The following CACNA2D3 variants were observed in gnomAD, a reference collection of about 807,000 sequenced individuals.
CACNA2D3 encodes the protein calcium voltage-gated channel auxiliary subunit alpha2delta 3.
A neutral mutation model predicts 160.6 loss-of-function variants in CACNA2D3; 60 were observed. That is an observed-to-expected ratio of 0.37 (90% CI 0.30 to 0.46). CACNA2D3 has a LOEUF of 0.46. Ranked by LOEUF, CACNA2D3 falls within the 20% of genes least tolerant of loss-of-function variation. The pLI, the probability that CACNA2D3 is intolerant of heterozygous loss-of-function variation, is 1.00. For synonymous variants in CACNA2D3, 558 were observed against 492.9 expected, an observed-to-expected ratio of 1.13 and a Z score of -1.75; for missense variants, 1,205 against 1,365.0, an observed-to-expected ratio of 0.88 and a Z score of 1.85.
At chr3:54,694,397 A>AT (rs899768712) in intron 11 of CACNA2D3, among the ~76,000 whole-genome samples, 2 of 152,200 alleles carry the variant, frequency 1.3e-5, no homozygotes, top group Non-Finnish European at 2.9e-5. Flanking sequence ...GTAATAACAC[A>AT]TTTTTTTAGA....
chr3:54,475,807 ATT>A (rs1395482284), intron 4 of CACNA2D3, among the ~76,000 whole-genome samples: 1 of 7,890 alleles, frequency 1.3e-4, no homozygotes, highest in African/African-American at 3.9e-4. Flanking sequence ...CATGGTTACC[ATT>A]TGTGTGTGTG....
At chr3:54,728,349 C>T (rs529684133) in intron 11 of CACNA2D3, among the ~76,000 whole-genome samples, 1 of 152,252 alleles carries the variant, frequency 6.6e-6, no homozygotes, top group South Asian at 2.1e-4. Context: ...TCGGTAGTGT[C>T]TAATCTTCTA....
At chr3:54,287,572 A>G (rs56047823) in intron 2 of CACNA2D3, among the ~76,000 whole-genome samples, 39,632 of 129,382 alleles carry the variant, frequency 0.31, 5,173 homozygotes, top group East Asian at 0.45. Flanking sequence ...TGCACCAAGC[A>G]GACCTAATAG....
chr3:54,730,277 G>A (rs546557771), intron 11 of CACNA2D3, among the ~76,000 whole-genome samples: 46 of 152,228 alleles, frequency 3.0e-4, no homozygotes, highest in African/African-American at 1.0e-3. Flanking sequence ...CCACCCTGGT[G>A]GCACCCATAT....
chr3:54,469,356 C>T (rs1310552384), intron 4 of CACNA2D3, among the ~76,000 whole-genome samples: 1 of 152,140 alleles, frequency 6.6e-6, no homozygotes, highest in East Asian at 1.9e-4. Context: ...AGAAGGAAAA[C>T]CAACAGAAAG....
At chr3:54,317,894 T>G (rs1703902216) in intron 2 of CACNA2D3, among the ~76,000 whole-genome samples, 2 of 152,200 alleles carry the variant, frequency 1.3e-5, no homozygotes, top group South Asian at 4.1e-4. Flanking sequence ...ACTCCTGTGA[T>G]AACAGCATTA....
chr3:54,418,697 A>T (rs1699794595), intron 4 of CACNA2D3, among the ~76,000 whole-genome samples: 1 of 152,164 alleles, frequency 6.6e-6, no homozygotes, highest in African/African-American at 2.4e-5. Flanking sequence ...TATTTCTTAC[A>T]TGCCTAGTTT....
Position 54,581,787 on chromosome 3 carries a change from CT to C in CACNA2D3, c.889-10del. The C allele has an allele frequency of 1.9e-6, 3 of 1,608,616 alleles. No individual in the cohort carries two copies. The highest frequency in any genetic ancestry group is 1.7e-6 in the Non-Finnish European group (2 of 1,176,020). On this transcript the variant is annotated splice_polypyrimidine_tract_variant and intron_variant, in intron 8 of 37. Transcript: ENST00000474759. ...TCCTTAATTAAGTGTTCCTTCTTGA[CT>C]TTTTTCCTTTGCAGTATAATGAGGA...
At chr3:55,019,389 A>G (rs1703398573) in intron 35 of CACNA2D3, among the ~76,000 whole-genome samples, 1 of 152,004 alleles carries the variant, frequency 6.6e-6, no homozygotes, top group South Asian at 2.1e-4. Flanking sequence ...TGTAAGTGAT[A>G]GATCAATTTA....
chr3:54,764,022 A>T (rs1032302621), intron 12 of CACNA2D3, among the ~76,000 whole-genome samples, 196 bp from the exon 13 acceptor site: 1 of 151,168 alleles, frequency 6.6e-6, no homozygotes, highest in African/African-American at 2.4e-5. Flanking sequence ...ATTTTCTAAC[A>T]TGAACTTATT....
chr3:54,671,787 A>G (rs1342814932), intron 11 of CACNA2D3, among the ~76,000 whole-genome samples: 1 of 152,138 alleles, frequency 6.6e-6, no homozygotes. Context: ...GCTGCTTGCA[A>G]ATTGGGAGGT....
intron 14 of CACNA2D3, among the ~76,000 whole-genome samples, chr3:54,817,355 A>G (rs1307760358): frequency 6.6e-6 from 1 of 152,180 alleles, no homozygotes; most frequent in Non-Finnish European, 1.5e-5. Context: ...CCCAGAGACC[A>G]TTAGAGCAGA....
chr3:54,729,533 G>A (rs994817679), intron 11 of CACNA2D3, among the ~76,000 whole-genome samples: 3 of 152,188 alleles, frequency 2.0e-5, no homozygotes, highest in Admixed American at 6.5e-5. Context: ...CAGTCATTGG[G>A]TGGTGGCAGA....
chr3:54,840,788 T>C (rs888955872), intron 16 of CACNA2D3, among the ~76,000 whole-genome samples: 4 of 145,016 alleles, frequency 2.8e-5, no homozygotes, highest in African/African-American at 1.0e-4. Context: ...AGTGGCATGA[T>C]CTCAGCTCAC....
chr3:54,256,757 C>CAA (rs35227962), intron 2 of CACNA2D3, among the ~76,000 whole-genome samples: 2 of 107,026 alleles, frequency 1.9e-5, no homozygotes, highest in Non-Finnish European at 4.0e-5. Flanking sequence ...GACTCCGTCT[C>CAA]AAAAAAAAAA....
intron 2 of CACNA2D3, among the ~76,000 whole-genome samples, chr3:54,187,228 G>A (rs1480716896): frequency 2.0e-5 from 3 of 152,142 alleles, no homozygotes; most frequent in African/African-American, 4.8e-5. Context: ...ATCTGTGTCT[G>A]GAGGGATTGA....
Position 54,562,907 on chromosome 3 carries a change from A to G in CACNA2D3, c.652A>G (p.Lys218Glu), listed in dbSNP as rs766330689. 6.2e-7 allele frequency: 1 copy of G among 1,613,724 alleles called. No individual in the cohort carries two copies. The highest frequency in any genetic ancestry group is 1.1e-5 in the South Asian group (1 of 91,054). Reference sequence around the variant, plus strand: ...CATATGGCAGTACTTTGGAAGTGCAAAGGGCTTTTTTAGGCAGTATCCGGG... The same window carrying G: ...CATATGGCAGTACTTTGGAAGTGCAGAGGGCTTTTTTAGGCAGTATCCGGG... Reference protein sequence around the residue: ...SLIWQYFGSAKGFFRQYPGIK... With the variant: ...SLIWQYFGSAEGFFRQYPGIK... The change falls in exon 6 of 38, where the codon AAG becomes GAG. Residue 218 changes from lysine to glutamate, a missense_variant. Transcript: ENST00000474759.
At chr3:55,023,563 TG>T (rs1448027909) in intron 35 of CACNA2D3, among the ~76,000 whole-genome samples, 58 of 152,162 alleles carry the variant, frequency 3.8e-4, no homozygotes, top group Admixed American at 1.3e-4. Flanking sequence ...CTTCTATCTG[TG>T]TTTTTCCATG....
intron 4 of CACNA2D3, among the ~76,000 whole-genome samples, chr3:54,479,638 C>G (rs1700900471): frequency 6.6e-6 from 1 of 152,114 alleles, no homozygotes; most frequent in South Asian, 2.1e-4. Context: ...TTGGAGACAT[C>G]AGAAACCGAT....
Sources: gnomAD v4.1 joint callset for allele counts (sites outside exome capture counted in the v4.1 genomes callset) on GRCh38, gnomAD v4.1.1 for gene constraint, MANE v1.5 for transcripts, NCBI Gene and HGNC (gene_info 2026-07-23, HGNC 2026-07-21) for gene names.